CELSR1: variants seen among roughly 807,000 people sequenced by gnomAD.
The protein encoded by CELSR1 is cadherin EGF LAG seven-pass G-type receptor 1.
Under a neutral mutation model 249.1 loss-of-function variants are expected in CELSR1, and 110 were observed. The observed-to-expected ratio is 0.44, with a 90% confidence interval of 0.38 to 0.52. CELSR1 has a LOEUF of 0.52. CELSR1 is among the 20% of genes least tolerant of loss of function. CELSR1 has a pLI of 0.00. For synonymous variants in CELSR1, 2,113 were observed against 1,900.0 expected (o/e 1.11, Z -2.92); for missense variants, 4,109 against 4,296.4 (o/e 0.96, Z 1.22).
At chr22:46,492,987 T>C (rs9616022) in intron 1 of CELSR1, among the ~76,000 whole-genome samples, 25,457 of 152,208 alleles carry the variant, frequency 0.17, 2,707 homozygotes, top group African/African-American at 0.3. Flanking sequence ...CACGTGTCTA[T>C]AATCCCAGTG....
In CELSR1 at chr22:46,521,059, G is replaced by A. The variant is rs183274262; in HGVS notation, c.3544+12568C>T. On this transcript the variant is annotated intron_variant, in intron 1 of 34. Transcript: ENST00000674500. ...CGTTGTAGTAAGTGTCAGAATTTCC[G>A]TCCTTTTTCAGGCTAAGTAGTATTC... 8.5e-5 allele frequency among the ~76,000 whole-genome samples: 13 copies of A among 152,210 alleles called. No individual in the cohort carries two copies. In the East Asian group the frequency reaches 1.2e-3, roughly 14 times the overall value.
At position 46,433,432 on chromosome 22, in the gene CELSR1, G is replaced by A. The variant is rs34897600; in HGVS notation, c.4572C>T (p.Asp1524=). 2,863 of 1,613,898 alleles carry A rather than the reference G, an allele frequency of 1.8e-3. 44 individuals are homozygous for A. In the African/African-American group the frequency reaches 0.029, roughly 16 times the overall value. Residue 1524 remains aspartate, a synonymous_variant, in exon 5 of 35, where the codon GAC becomes GAT. Transcript: ENST00000674500. This position sits in a 1 kb window ranked among gnomAD's most constrained non-coding sequence, Gnocchi z 5.7. The part of the protein sequence containing the change: ...VAPKVPSGVS[D]GRWHSVQVQY... ...GCACCTGCACAGAGTGCCACCGCCC[G>A]TCACTCACACCACTGGGAACCTTCG...
intron 24 of CELSR1, among the ~76,000 whole-genome samples, chr22:46,376,757 A>T (rs2078922593): frequency 6.6e-6 from 1 of 150,898 alleles, no homozygotes; most frequent in Non-Finnish European, 1.5e-5. Context: ...CAGTGAGCTG[A>T]GATTGTGCCA....
rs1039476965 is a variant in CELSR1, at chr22:46,433,232, G to A, written c.4611+161C>T. 1.3e-5 allele frequency among the ~76,000 whole-genome samples: 2 copies of A among 152,052 alleles called. No homozygotes were observed. Among genetic ancestry groups the A allele is most frequent in the South Asian group, 2.1e-4 (1 of 4,816 alleles). On this transcript the variant is annotated intron_variant, in intron 5 of 34. Transcript: ENST00000674500. This position sits in a 1 kb window ranked among gnomAD's most constrained non-coding sequence, Gnocchi z 5.7. ...GTATTTTTGGTAGAGACAGGGTTTCGCCACGTTGGCCAAGCTGGTCTCGAG... is the reference window on the plus strand; with the variant it reads ...GTATTTTTGGTAGAGACAGGGTTTCACCACGTTGGCCAAGCTGGTCTCGAG...
chr22:46,380,732 CG>C lies in CELSR1; in HGVS notation c.7256+55del. 2 of 1,586,140 alleles carry C rather than the reference CG, an allele frequency of 1.3e-6. No individual in the cohort carries two copies. Among genetic ancestry groups the C allele is most frequent in the South Asian group, 2.2e-5 (2 of 89,430 alleles). On this transcript the variant is annotated intron_variant, in intron 22 of 34. Coordinates refer to ENST00000674500, the MANE Select transcript of CELSR1 (RefSeq NM_001378328.1). The surrounding 1 kb of genome is among the most constrained non-coding windows in gnomAD (Gnocchi z 5.1). Reference sequence around the variant, plus strand: ...CTCTGCCACTGAGCCCCCGACCCTGCGGGGGCACTCTGCCTTGGCAAAGCCC... The same window carrying C: ...CTCTGCCACTGAGCCCCCGACCCTGCGGGGCACTCTGCCTTGGCAAAGCCC...
At position 46,436,179 on chromosome 22, in the gene CELSR1, G is replaced by C; in HGVS notation, c.4517C>G (p.Ser1506Cys). The C allele has an allele frequency of 6.2e-7, 1 of 1,613,196 alleles. No individual in the cohort carries two copies. Among genetic ancestry groups the C allele is most frequent in the South Asian group, 1.1e-5 (1 of 91,064 alleles). ...TCCTGGGGAGAAGGCCCCACCTGCA[G>C]AGAAGGTGAGCTGCACCTGCTCGTC... ...IVDEQVQLTF[S>C]AGETTTTVAP... Residue 1506 changes from serine to cysteine, a missense_variant, in exon 4 of 35, where the codon TCT (serine) becomes TGT (cysteine). Coordinates refer to ENST00000674500, the MANE Select transcript of CELSR1 (RefSeq NM_001378328.1). This position sits in a 1 kb window ranked among gnomAD's most constrained non-coding sequence, Gnocchi z 5.9.
At chr22:46,487,189 A>T (rs2080321164) in intron 1 of CELSR1, among the ~76,000 whole-genome samples, 1 of 152,160 alleles carries the variant, frequency 6.6e-6, no homozygotes, top group South Asian at 2.1e-4. Context: ...CATGATTAAG[A>T]GATGACTTAC....
rs2079216015 is a variant in CELSR1, at chr22:46,402,116, C to A, written c.5227-2214G>T. ...AACACACAAACAAAAAAGTCTGTGACTGCATTCAAGTGCTCTGGGAGGGAA... is the reference window on the plus strand; with the variant it reads ...AACACACAAACAAAAAAGTCTGTGAATGCATTCAAGTGCTCTGGGAGGGAA... On this transcript the variant is annotated intron_variant, in intron 9 of 34. Coordinates refer to ENST00000674500, the MANE Select transcript of CELSR1 (RefSeq NM_001378328.1). The surrounding 1 kb of genome is among the most constrained non-coding windows in gnomAD (Gnocchi z 5.0). Among the ~76,000 whole-genome samples, 1 of 152,134 alleles carries A rather than the reference C, an allele frequency of 6.6e-6. No homozygotes were observed. The highest frequency in any genetic ancestry group is 1.5e-5 in the Non-Finnish European group (1 of 68,022).
Position 46,411,543 on chromosome 22 carries a change from G to A in CELSR1, c.4769+59C>T, listed in dbSNP as rs943151806. 3.1e-5 allele frequency: 49 copies of A among 1,596,630 alleles called. No homozygotes were observed. The highest frequency in any genetic ancestry group is 5.1e-5 in the Admixed American group (3 of 58,618). On this transcript the variant is annotated intron_variant, in intron 6 of 34. Coordinates refer to ENST00000674500, the MANE Select transcript of CELSR1 (RefSeq NM_001378328.1). This position sits in a 1 kb window ranked among gnomAD's most constrained non-coding sequence, Gnocchi z 4.2. ...CGTGGGGCCCTGCCCTGGGAAGGCC[G>A]CAGGGTGAGCATGTTTGGGGGTACG...
chr22:46,493,233 G>A (rs1569200826), intron 1 of CELSR1, among the ~76,000 whole-genome samples: 2 of 152,036 alleles, frequency 1.3e-5, no homozygotes, highest in African/African-American at 2.4e-5. Flanking sequence ...CTGGGCAGCA[G>A]AAAAAGACCC....
chr22:46,390,688 C>T lies in CELSR1; in HGVS notation c.6251-202G>A, dbSNP rs188298865. 3.9e-5 allele frequency among the ~76,000 whole-genome samples: 6 copies of T among 152,288 alleles called. No homozygotes were observed. In the East Asian group the frequency reaches 5.8e-4, roughly 15 times the overall value. On this transcript the variant is annotated intron_variant, in intron 16 of 34. Coordinates refer to ENST00000674500, the MANE Select transcript of CELSR1 (RefSeq NM_001378328.1). This position sits in a 1 kb window ranked among gnomAD's most constrained non-coding sequence, Gnocchi z 6.3. ...AGCTGCTCTGACACTGACAACCAGG[C>T]GTTTCGGGAGCCCAGCCAACAGGAG...
rs1281380395 is a variant in CELSR1, at chr22:46,536,557, G to A, written c.614C>T (p.Ala205Val). Reference sequence around the variant, plus strand: ...GGATGGCGACGCGGAGGGCGTCCCCGCGGTGGCGGCCTCCAGCGCCAGTCC... The same window carrying A: ...GGATGGCGACGCGGAGGGCGTCCCCACGGTGGCGGCCTCCAGCGCCAGTCC... ...RVGLALEAAT[A>V]GTPSASPSPS... Residue 205 changes from alanine (A) to valine (V), a missense_variant, in exon 1 of 35, where the codon GCG becomes GTG. Physicochemically the swap from Ala to Val is moderately conservative, Grantham distance 64. This residue lies in a region of CELSR1 where 673 missense variants were observed against 636.8 expected (regional missense o/e 1.06). Coordinates refer to ENST00000674500, the MANE Select transcript of CELSR1 (RefSeq NM_001378328.1). 39 of 1,327,078 alleles carry A rather than the reference G, an allele frequency of 2.9e-5. No individual in the cohort carries two copies. The highest frequency in any genetic ancestry group is 3.3e-5 in the Non-Finnish European group (35 of 1,045,354). The allele number at this position is 1,327,078 out of a possible 1,614,324, so 82.2% of individuals were successfully genotyped here. A position where few individuals can be genotyped will look rare whatever the true frequency, so the allele number is the denominator to read the frequency against.
intron 2 of CELSR1, among the ~76,000 whole-genome samples, chr22:46,444,525 C>G (rs1327564604): frequency 6.6e-6 from 1 of 152,172 alleles, no homozygotes; most frequent in Non-Finnish European, 1.5e-5. Flanking sequence ...AGGTCTTGCT[C>G]CTTTAAATAT....
In CELSR1 at chr22:46,534,896, C is replaced by G. The variant is rs753531287; in HGVS notation, c.2275G>C (p.Val759Leu). ...PLDYKQEQQYVLAVTASDGTR... is the reference protein window; with the variant it reads ...PLDYKQEQQYLLAVTASDGTR... ...CCGTCGGATGCTGTCACCGCCAGCACGTACTGCTGCTCCTGCTTGTAGTCC... is the reference window on the plus strand; with the variant it reads ...CCGTCGGATGCTGTCACCGCCAGCAGGTACTGCTGCTCCTGCTTGTAGTCC... Residue 759 changes from valine to leucine, a missense_variant, in exon 1 of 35, where the codon GTG becomes CTG. By Grantham distance (32) the Val-to-Leu change is conservative (BLOSUM62 1). This residue lies in a region of CELSR1 where 886 missense variants were observed against 896.5 expected (regional missense o/e 0.99). Coordinates refer to ENST00000674500, the MANE Select transcript of CELSR1 (RefSeq NM_001378328.1). The surrounding 1 kb of genome is among the most constrained non-coding windows in gnomAD (Gnocchi z 9.7). The G allele has an allele frequency of 2.5e-6, 4 of 1,612,592 alleles. No individual in the cohort carries two copies. In the African/African-American group the frequency reaches 5.3e-5, roughly 21 times the overall value.
chr22:46,430,692 G>T lies in CELSR1; in HGVS notation c.4611+2701C>A, dbSNP rs1299679742. Among the ~76,000 whole-genome samples, 2 of 152,178 alleles carry T rather than the reference G, an allele frequency of 1.3e-5. No homozygotes were observed. Among genetic ancestry groups the T allele is most frequent in the Non-Finnish European group, 2.9e-5 (2 of 68,038 alleles). ...ATTGGAGACAAAGTGGAGGCCCAGA[G>T]AGCAGAGGAACCAGCCCCCAGAAGA... On this transcript the variant is annotated intron_variant, in intron 5 of 34. Coordinates refer to ENST00000674500, the MANE Select transcript of CELSR1 (RefSeq NM_001378328.1). This position sits in a 1 kb window ranked among gnomAD's most constrained non-coding sequence, Gnocchi z 4.6.
chr22:46,396,497 G>A lies in CELSR1; in HGVS notation c.5843+108C>T. 5.0e-6 allele frequency: 6 copies of A among 1,193,504 alleles called. No homozygotes were observed. Among genetic ancestry groups the A allele is most frequent in the Non-Finnish European group, 6.6e-6 (6 of 914,458 alleles). The allele number at this position is 1,193,504 out of a possible 1,614,324, so 73.9% of individuals were successfully genotyped here. ...AAAAAAAATATGTCCCTGTTACCCAGAATCACACATATCTTTGGGTCAAAA... is the reference window on the plus strand; with the variant it reads ...AAAAAAAATATGTCCCTGTTACCCAAAATCACACATATCTTTGGGTCAAAA... On this transcript the variant is annotated intron_variant, in intron 13 of 34. Coordinates refer to ENST00000674500, the MANE Select transcript of CELSR1 (RefSeq NM_001378328.1). This position sits in a 1 kb window ranked among gnomAD's most constrained non-coding sequence, Gnocchi z 6.4.
At chr22:46,376,917 A>G (rs2078924767) in intron 24 of CELSR1, 144 bp downstream of exon 24, 3 of 797,862 alleles carry the variant, frequency 3.8e-6, no homozygotes, top group Middle Eastern at 3.3e-4. Flanking sequence ...GTGACCAGGC[A>G]CGTTCCTGAA....
At position 46,487,870 on chromosome 22, in the gene CELSR1, G is replaced by A. The variant is rs189910932; in HGVS notation, c.3545-23525C>T. ...AGTCCAGGGTGCTACTGGGGGTTGC[G>A]GGGGAGGGGTGTCCAGCTGATGGGG... On this transcript the variant is annotated intron_variant, in intron 1 of 34. Transcript: ENST00000674500. 3.7e-3 allele frequency among the ~76,000 whole-genome samples: 537 copies of A among 143,696 alleles called. 4 individuals carry two copies. Among genetic ancestry groups the A allele is most frequent in the African/African-American group, 0.013 (503 of 37,964 alleles). 94.3% of individuals were successfully genotyped at this position (143,696 alleles called of 152,430 possible). A position where few individuals can be genotyped will look rare whatever the true frequency, so the allele number is the denominator to read the frequency against.
In CELSR1 at chr22:46,463,746, C is replaced by T. The variant is rs1157856047; in HGVS notation, c.4144G>A (p.Glu1382Lys). 3 of 1,542,426 alleles carry T rather than the reference C, an allele frequency of 1.9e-6. No individual in the cohort carries two copies. The highest frequency in any genetic ancestry group is 2.6e-6 in the Non-Finnish European group (3 of 1,145,808). ...AAGCACTCGCAGGTGTAGCCGCCCT[C>T]GCGGCTGCGGCAGCGGCCGTTGGCG... ...CGANGRCRSREGGYTCECFED... is the reference protein window; with the variant it reads ...CGANGRCRSRKGGYTCECFED... The change falls in exon 2 of 35, where the codon GAG (glutamate) becomes AAG (lysine). Residue 1382 changes from glutamate to lysine, a missense_variant. Glu to Lys is a moderately conservative substitution (Grantham distance 56). This residue lies in a region of CELSR1 where 453 missense variants were observed against 492.0 expected (regional missense o/e 0.92). Coordinates refer to ENST00000674500, the MANE Select transcript of CELSR1 (RefSeq NM_001378328.1).
Sources: allele counts gnomAD v4.1 joint callset (sites outside exome capture counted in the v4.1 genomes callset), GRCh38; gene constraint gnomAD v4.1.1; regional missense constraint gnomAD v4.1.1; non-coding constraint Gnocchi (gnomAD v3.1); transcripts MANE v1.5; gene names NCBI Gene and HGNC (gene_info 2026-07-23, HGNC 2026-07-21).